Variants in IER3IP1 observed in about 807,000 individuals in gnomAD.
IER3IP1 encodes the protein immediate early response 3 interacting protein 1.
Under a neutral mutation model 12.2 loss-of-function variants are expected in IER3IP1, and 16 were observed. The observed-to-expected ratio is 1.31, with a 90% CI of 0.89 to 1.99. The LOEUF (loss-of-function observed/expected upper bound fraction) is 1.99. Ranked by LOEUF, IER3IP1 falls within the 30% of genes most tolerant of loss-of-function variation. IER3IP1 has a pLI of 0.00. For synonymous variants in IER3IP1, 42 were observed against 40.0 expected, an observed-to-expected ratio of 1.05 and a Z score of -0.19; for missense variants, 95 against 95.8, an observed-to-expected ratio of 0.99 and a Z score of 0.03.
At chr18:47,162,115 T>C (rs1466957103) in intron 1 of IER3IP1, among the ~76,000 whole-genome samples, 1 of 152,002 alleles carries the variant, frequency 6.6e-6, no homozygotes, top group African/African-American at 2.4e-5. Context: ...GTGGCCCAGT[T>C]CCTAATAGGT....
chr18:47,156,166 T>TGA lies in IER3IP1; in HGVS notation c.*10_*11insTC, dbSNP rs1331889044. On this transcript the variant is annotated 3_prime_UTR_variant, in exon 3 of 3. Transcript: ENST00000256433. ...TGTCCTCTTCTGAGTCTCCATTTTC[T>TGA]CCACTGATATTCATCCAAATAATAA... 1 of 1,485,720 alleles carries TGA rather than the reference T, an allele frequency of 6.7e-7. No individual in the cohort carries two copies. Among genetic ancestry groups the TGA allele is most frequent in the Non-Finnish European group, 9.4e-7 (1 of 1,063,228 alleles). The allele number at this position is 1,485,720 out of a possible 1,614,324, so 92.0% of individuals were successfully genotyped here. A position where few individuals can be genotyped will look rare whatever the true frequency, so the allele number is the denominator to read the frequency against.
chr18:47,176,131 A>ATTAGGTTC lies in IER3IP1; in HGVS notation c.91+55_91+56insGAACCTAA, dbSNP rs1568075653. On this transcript the variant is annotated intron_variant, in intron 1 of 2. Transcript: ENST00000256433. ...TCCCCTCACGCGGCCCCATTAGGTT[A>ATTAGGTTC]CGCGCCCCCGGGGACTCCGCCGCCG... The ATTAGGTTC allele has an allele frequency of 1.2e-4, 177 of 1,448,124 alleles. 2 individuals are homozygous for ATTAGGTTC. Among genetic ancestry groups the ATTAGGTTC allele is most frequent in the Admixed American group, 5.9e-5 (3 of 51,048 alleles). The allele number at this position is 1,448,124 out of a possible 1,614,324, so 89.7% of individuals were successfully genotyped here.
intron 1 of IER3IP1, among the ~76,000 whole-genome samples, chr18:47,167,543 G>C (rs2064000024): frequency 6.6e-6 from 1 of 152,070 alleles, no homozygotes; most frequent in African/African-American, 2.4e-5. Context: ...TGGTTTATTG[G>C]AACAATGGCT....
At chr18:47,165,266 A>G (rs757464149) in intron 1 of IER3IP1, among the ~76,000 whole-genome samples, 9 of 152,196 alleles carry the variant, frequency 5.9e-5, no homozygotes, top group Admixed American at 2.0e-4. Flanking sequence ...AGAAAGATCA[A>G]TGGTGGCCAG....
intron 1 of IER3IP1, among the ~76,000 whole-genome samples, chr18:47,162,714 T>C (rs997585987): frequency 4.6e-5 from 7 of 151,814 alleles, no homozygotes; most frequent in African/African-American, 1.7e-4. Flanking sequence ...GAAGAAATAA[T>C]AAGTGAAAAG....
chr18:47,165,124 A>G (rs1183717459), intron 1 of IER3IP1, among the ~76,000 whole-genome samples: 3 of 152,244 alleles, frequency 2.0e-5, no homozygotes, highest in African/African-American at 7.2e-5. Flanking sequence ...CCATATCTGT[A>G]AAAGAAAATG....
intron 1 of IER3IP1, among the ~76,000 whole-genome samples, chr18:47,173,498 C>G (rs1396320446): frequency 1.3e-5 from 2 of 152,174 alleles, no homozygotes; most frequent in South Asian, 2.1e-4. Context: ...GCGCCCACCA[C>G]CACACCCTGC....
chr18:47,158,477 G>A (rs1248341023), intron 1 of IER3IP1, among the ~76,000 whole-genome samples: 1 of 151,944 alleles, frequency 6.6e-6, no homozygotes, highest in Non-Finnish European at 1.5e-5. Context: ...GAGTAGCTGG[G>A]ACTATAGGCG....
Position 47,154,989 on chromosome 18 carries a change from A to G in IER3IP1, c.*1188T>C, listed in dbSNP as rs2063953020. The stretch of plus-strand genomic sequence containing the variant: ...AATAAGAGGTGTTCACCCAAAATGG[A>G]GATTAATGCAGTTAACACTGACAGG... On this transcript the variant is annotated 3_prime_UTR_variant, in exon 3 of 3. Transcript: ENST00000256433. 6.6e-6 allele frequency: 1 copy of G among 152,234 alleles called. No individual in the cohort carries two copies. The highest frequency in any genetic ancestry group is 2.4e-5 in the African/African-American group (1 of 41,464). 9.4% of individuals were successfully genotyped at this position (152,234 alleles called of 1,614,324 possible).
intron 1 of IER3IP1, among the ~76,000 whole-genome samples, chr18:47,167,379 G>A (rs1335795935): frequency 6.6e-6 from 1 of 152,074 alleles, no homozygotes; most frequent in East Asian, 1.9e-4. Context: ...TAATGTAAGG[G>A]CACAAATCTC....
At chr18:47,168,493 T>C (rs1413127494) in intron 1 of IER3IP1, among the ~76,000 whole-genome samples, 2 of 152,200 alleles carry the variant, frequency 1.3e-5, no homozygotes, top group African/African-American at 4.8e-5. Context: ...GTTATGTCTA[T>C]TTTTAAACTT....
intron 1 of IER3IP1, among the ~76,000 whole-genome samples, chr18:47,162,139 T>A (rs2063981775): frequency 6.6e-6 from 1 of 151,196 alleles, no homozygotes; most frequent in Non-Finnish European, 1.5e-5. Context: ...TGAGAGTAAT[T>A]TAGGGGTCCC....
Position 47,176,339 on chromosome 18 carries a change from C to G in IER3IP1, c.-62G>C. ...TCTCCCGCCGCCGCAAGGGACGTGGCGCCTCCACGGCCGGCGCCTTCCTAC... is the reference window on the plus strand; with the variant it reads ...TCTCCCGCCGCCGCAAGGGACGTGGGGCCTCCACGGCCGGCGCCTTCCTAC... On this transcript the variant is annotated 5_prime_UTR_variant, in exon 1 of 3. Coordinates refer to ENST00000256433, the MANE Select transcript of IER3IP1 (RefSeq NM_016097.5). The G allele has an allele frequency of 1.4e-6, 2 of 1,439,714 alleles. No homozygotes were observed. Among genetic ancestry groups the G allele is most frequent in the Non-Finnish European group, 1.9e-6 (2 of 1,047,358 alleles). 89.2% of individuals were successfully genotyped at this position (1,439,714 alleles called of 1,614,324 possible).
chr18:47,167,714 C>T (rs1056174682), intron 1 of IER3IP1, among the ~76,000 whole-genome samples: 2 of 152,134 alleles, frequency 1.3e-5, no homozygotes, highest in African/African-American at 4.8e-5. Context: ...TTATTATTCT[C>T]CAATTAGCTC....
chr18:47,170,503 ATAT>A (rs2064011877), intron 1 of IER3IP1, among the ~76,000 whole-genome samples: 1 of 152,124 alleles, frequency 6.6e-6, no homozygotes, highest in African/African-American at 2.4e-5. Flanking sequence ...CATCTTAATA[ATAT>A]TAAGTATTCT....
intron 1 of IER3IP1, among the ~76,000 whole-genome samples, chr18:47,174,532 G>A (rs547611798): frequency 2.6e-5 from 4 of 152,100 alleles, no homozygotes; most frequent in African/African-American, 9.7e-5. Context: ...AGCCAGGCTT[G>A]GTGGTGCGTG....
rs972351812 is a variant in IER3IP1, at chr18:47,172,555, A to T, written c.91+3632T>A. Among the ~76,000 whole-genome samples the T allele has an allele frequency of 6.6e-6, 1 of 152,162 alleles. No individual in the cohort carries two copies. Among genetic ancestry groups the T allele is most frequent in the Admixed American group, 6.5e-5 (1 of 15,284 alleles). On this transcript the variant is annotated intron_variant, in intron 1 of 2. Coordinates refer to ENST00000256433, the MANE Select transcript of IER3IP1 (RefSeq NM_016097.5). This position sits in a 1 kb window ranked among gnomAD's most constrained non-coding sequence, Gnocchi z 4.0. ...ACCGTATATGTAGTGTATTTTTTTC[A>T]ATCTGATAACCAAGTGACTAATAGG...
chr18:47,162,619 A>T (rs902180523), intron 1 of IER3IP1, among the ~76,000 whole-genome samples: 7 of 152,156 alleles, frequency 4.6e-5, no homozygotes, highest in African/African-American at 1.7e-4. Flanking sequence ...CCTACCAAAC[A>T]CAATTGAAGA....
chr18:47,176,257 T>G lies in IER3IP1; in HGVS notation c.21A>C (p.Ser7=), dbSNP rs1364932330. The G allele has an allele frequency of 1.2e-6, 2 of 1,609,564 alleles. No individual in the cohort carries two copies. Among genetic ancestry groups the G allele is most frequent in the South Asian group, 2.2e-5 (2 of 90,200 alleles). The part of the protein sequence containing the change: MAFTLY[S]LLQAALLCVN... ...CGCAGAGCAGGGCTGCCTGCAGCAG[T>G]GAGTACAGGGTAAAGGCCATGGCCG... The change falls in exon 1 of 3, where the codon TCA becomes TCC. Residue 7 remains serine (S), a synonymous_variant. Coordinates refer to ENST00000256433, the MANE Select transcript of IER3IP1 (RefSeq NM_016097.5).
Sources: allele counts gnomAD v4.1 joint callset (sites outside exome capture counted in the v4.1 genomes callset), GRCh38; gene constraint gnomAD v4.1.1; non-coding constraint Gnocchi (gnomAD v3.1); transcripts MANE v1.5; gene names NCBI Gene and HGNC (gene_info 2026-07-23, HGNC 2026-07-21).